DNAH7: variants seen among roughly 807,000 people sequenced by gnomAD.
DNAH7 encodes dynein axonemal heavy chain 7, also known as axonemal beta dynein heavy chain 7.
Under a neutral mutation model 444.6 loss-of-function variants are expected in DNAH7, and 397 were observed. That is an observed-to-expected ratio of 0.89 (90% CI 0.82 to 0.97). DNAH7 has a LOEUF of 0.97. Ranked by LOEUF, DNAH7 falls within the 50% of genes least tolerant of loss-of-function variation. DNAH7 has a pLI of 0.00. For missense variants in DNAH7, 4,902 were observed against 4,800.8 expected (o/e 1.02, Z -0.62); for synonymous variants, 1,636 against 1,624.4 (o/e 1.01, Z -0.17).
chr2:195,866,069 C>T (rs1020348778), intron 40 of DNAH7, among the ~76,000 whole-genome samples: 1 of 152,138 alleles, frequency 6.6e-6, no homozygotes. Context: ...ATGCATATTT[C>T]GTCAGTGGAA....
chr2:195,957,812 C>T (rs1033324136), intron 18 of DNAH7, among the ~76,000 whole-genome samples: 1 of 151,920 alleles, frequency 6.6e-6, no homozygotes, highest in African/African-American at 2.4e-5. Context: ...TACTTATCTA[C>T]TATTGGGCTG....
chr2:196,036,084 T>C (rs184409135), intron 5 of DNAH7, among the ~76,000 whole-genome samples: 109 of 148,166 alleles, frequency 7.4e-4, no homozygotes, highest in African/African-American at 2.7e-3. Context: ...CAGGCTGGAG[T>C]GCAATGGCGT....
At chr2:195,917,612 T>C (rs1299746279) in intron 24 of DNAH7, among the ~76,000 whole-genome samples, 1 of 152,180 alleles carries the variant, frequency 6.6e-6, no homozygotes, top group Non-Finnish European at 1.5e-5. Flanking sequence ...TGCCTCAATC[T>C]CTCCTTCTGG....
At chr2:196,068,424 G>C in intron 1 of DNAH7, 1 of 510,602 alleles carries the variant, frequency 2.0e-6, no homozygotes, top group Non-Finnish European at 3.5e-6. Flanking sequence ...TAGCACTCTG[G>C]GGGTGCTCTG....
intron 46 of DNAH7, among the ~76,000 whole-genome samples, chr2:195,846,270 G>A (rs1346909929): frequency 6.6e-6 from 1 of 152,096 alleles, no homozygotes; most frequent in East Asian, 1.9e-4. Flanking sequence ...GCTCAACATC[G>A]CTAGTCATTA....
intron 63 of DNAH7, among the ~76,000 whole-genome samples, chr2:195,750,618 A>T (rs191524930): frequency 6.6e-6 from 1 of 152,350 alleles, no homozygotes; most frequent in East Asian, 1.9e-4. Context: ...TGAGAGCCAG[A>T]TGGCCTGGGT....
intron 28 of DNAH7, among the ~76,000 whole-genome samples, chr2:195,897,994 TCA>T (rs1329836592): frequency 6.6e-6 from 1 of 152,226 alleles, no homozygotes; most frequent in Non-Finnish European, 1.5e-5. Context: ...AACTACCTTT[TCA>T]CAGATATGCT....
chr2:195,914,055 CATGAATTTCCATTCCCCT>C (rs528492002), intron 24 of DNAH7, among the ~76,000 whole-genome samples: 138 of 152,280 alleles, frequency 9.1e-4, no homozygotes, highest in Admixed American at 2.9e-3. Flanking sequence ...AGCATTCCCC[CATGAATTTCCATTCCCCT>C]ATGAATTTCC....
chr2:195,866,710 A>G (rs1201166100), intron 40 of DNAH7, among the ~76,000 whole-genome samples: 1 of 152,224 alleles, frequency 6.6e-6, no homozygotes, highest in East Asian at 1.9e-4. Flanking sequence ...TTAAAAACAC[A>G]GAGGATGATT....
intron 19 of DNAH7, among the ~76,000 whole-genome samples, chr2:195,949,442 C>T (rs1690062352): frequency 6.6e-6 from 1 of 152,114 alleles, no homozygotes; most frequent in Non-Finnish European, 1.5e-5. Context: ...CACCACTACA[C>T]CTGGCTAATT....
At chr2:196,043,395 G>A (rs1462925532) in intron 5 of DNAH7, among the ~76,000 whole-genome samples, 1 of 151,896 alleles carries the variant, frequency 6.6e-6, no homozygotes, top group African/African-American at 2.4e-5. Flanking sequence ...GTTATCTCTC[G>A]CCTTATACAA....
rs560987788 is a variant in DNAH7, at chr2:195,873,117, G to C, written c.6413+451C>G. On this transcript the variant is annotated intron_variant, in intron 39 of 64. Transcript: ENST00000312428. The stretch of plus-strand genomic sequence containing the variant: ...ATGACAATTTCTTGAGAATGGGCAT[G>C]GGCACACAGACAGACTTCCCCTGCC... Among the ~76,000 whole-genome samples, 4 of 152,292 alleles carry C rather than the reference G, an allele frequency of 2.6e-5. No homozygotes were observed. The East Asian group carries it at 5.8e-4, about 22-fold the overall frequency.
intron 17 of DNAH7, among the ~76,000 whole-genome samples, chr2:195,966,416 C>T (rs560395661): frequency 2.5e-4 from 38 of 152,178 alleles, no homozygotes; most frequent in Non-Finnish European, 5.0e-4. Context: ...GAAGAATTCG[C>T]GTTCTGCAGC....
intron 12 of DNAH7, 30 bp from the exon 13 acceptor site, chr2:195,988,259 T>C (rs775902224): frequency 6.6e-7 from 1 of 1,510,900 alleles, no homozygotes. Flanking sequence ...TAATAGTATT[T>C]AAAATATCTT....
intron 3 of DNAH7, among the ~76,000 whole-genome samples, chr2:196,050,981 T>C (rs1697430217): frequency 6.6e-6 from 1 of 152,222 alleles, no homozygotes; most frequent in Admixed American, 6.5e-5. Context: ...TTCAGAATAC[T>C]GAAATATTCT....
At chr2:195,794,205 T>A in intron 57 of DNAH7, 133 bp downstream of exon 57, 2 of 729,536 alleles carry the variant, frequency 2.7e-6, no homozygotes, top group Non-Finnish European at 4.6e-6. Flanking sequence ...TAATCAGTTA[T>A]CAAAACCTAC....
intron 29 of DNAH7, among the ~76,000 whole-genome samples, chr2:195,896,335 T>C (rs747658685): frequency 1.3e-4 from 20 of 152,208 alleles, no homozygotes; most frequent in Non-Finnish European, 2.2e-4. Context: ...TGTCTTTCAT[T>C]TTCTTATGTG....
In DNAH7 at chr2:196,024,595, A is replaced by T. The variant is rs1695570294; in HGVS notation, c.668-91T>A. Reference sequence around the variant, plus strand: ...TGCAAAGCTAGTTCTACTAAGATTAACTGTTTAAATTATATTAAAGTTGTT... The same window carrying T: ...TGCAAAGCTAGTTCTACTAAGATTATCTGTTTAAATTATATTAAAGTTGTT... On this transcript the variant is annotated intron_variant, in intron 7 of 64. Transcript: ENST00000312428. 1.3e-5 allele frequency: 9 copies of T among 690,162 alleles called. 1 individual carries two copies. Among genetic ancestry groups the T allele is most frequent in the Non-Finnish European group, 2.2e-6 (1 of 447,322 alleles). The allele number at this position is 690,162 out of a possible 1,614,324, so 42.8% of individuals were successfully genotyped here. A position where few individuals can be genotyped will look rare whatever the true frequency, so the allele number is the denominator to read the frequency against.
intron 55 of DNAH7, among the ~76,000 whole-genome samples, chr2:195,797,215 G>A (rs1696187440): frequency 6.6e-6 from 1 of 152,194 alleles, no homozygotes; most frequent in African/African-American, 2.4e-5. Context: ...TCCCATGTCA[G>A]TTTCTTTAGA....
Sources: gnomAD v4.1 joint callset for allele counts (sites outside exome capture counted in the v4.1 genomes callset) on GRCh38, gnomAD v4.1.1 for gene constraint, MANE v1.5 for transcripts, NCBI Gene and HGNC (gene_info 2026-07-23, HGNC 2026-07-21) for gene names.